CTNND2: variants seen among roughly 807,000 people sequenced by gnomAD.
CTNND2 encodes the protein catenin delta 2.
In CTNND2, 22 loss-of-function variants were observed where a neutral mutation model predicts 144.4. That is an observed-to-expected ratio of 0.15 (90% CI 0.11 to 0.22). CTNND2 has a LOEUF of 0.22. Ranked by LOEUF, CTNND2 falls within the 10% of genes least tolerant of loss-of-function variation. The probability of loss-of-function intolerance (pLI) is 1.00; values close to 1 mark genes in which losing one functional copy is unlikely to be tolerated. For synonymous variants in CTNND2, 751 were observed against 695.6 expected (o/e 1.08, Z -1.25); for missense variants, 1,353 against 1,618.8 (o/e 0.84, Z 2.82).
intron 1 of CTNND2, among the ~76,000 whole-genome samples, chr5:11,787,675 T>A (rs1481500750): frequency 6.6e-6 from 1 of 151,374 alleles, no homozygotes; most frequent in Non-Finnish European, 1.5e-5. Flanking sequence ...CACATTCCCA[T>A]AATTTAATAA....
At chr5:11,111,336 C>T (rs1158607330) in intron 13 of CTNND2, among the ~76,000 whole-genome samples, 1 of 152,172 alleles carries the variant, frequency 6.6e-6, no homozygotes, top group Non-Finnish European at 1.5e-5. Flanking sequence ...AATGTACAAC[C>T]ACGAGAGATC....
At chr5:11,060,500 G>A (rs1746843199) in intron 16 of CTNND2, among the ~76,000 whole-genome samples, 1 of 152,156 alleles carries the variant, frequency 6.6e-6, no homozygotes, top group African/African-American at 2.4e-5. Flanking sequence ...AAGTAAGACA[G>A]ATAATACCCA....
At chr5:11,225,598 T>C (rs1740246799) in intron 10 of CTNND2, among the ~76,000 whole-genome samples, 1 of 152,142 alleles carries the variant, frequency 6.6e-6, no homozygotes, top group Admixed American at 6.6e-5. Flanking sequence ...CAAACCACCC[T>C]GCCAAAAAGC....
At chr5:11,629,971 CT>C (rs986222232) in intron 2 of CTNND2, among the ~76,000 whole-genome samples, 99 of 152,138 alleles carry the variant, frequency 6.5e-4, no homozygotes, top group African/African-American at 1.3e-3. Context: ...AAAAAGTAAA[CT>C]TTTTTTCCCC....
chr5:11,293,887 C>G (rs572708121), intron 9 of CTNND2, among the ~76,000 whole-genome samples: 1 of 150,034 alleles, frequency 6.7e-6, no homozygotes, highest in East Asian at 2.0e-4. Context: ...GTGAGTTTTA[C>G]TAAATTATGC....
chr5:11,753,599 C>T (rs1788743033), intron 1 of CTNND2, among the ~76,000 whole-genome samples: 2 of 151,790 alleles, frequency 1.3e-5, no homozygotes, highest in Admixed American at 6.6e-5. Flanking sequence ...CTTTTTACAT[C>T]AATGTTCATC....
intron 9 of CTNND2, among the ~76,000 whole-genome samples, chr5:11,317,963 C>T (rs1288506576): frequency 6.6e-6 from 1 of 152,112 alleles, no homozygotes; most frequent in Admixed American, 6.5e-5. Flanking sequence ...TGTAGTGGAG[C>T]CCCTGCCATG....
chr5:11,213,329 C>A lies in CTNND2; in HGVS notation c.1762-13668G>T, dbSNP rs186426619. Among the ~76,000 whole-genome samples, 184 of 152,168 alleles carry A rather than the reference C, an allele frequency of 1.2e-3. 1 individual carries two copies. The highest frequency in any genetic ancestry group is 4.4e-3 in the African/African-American group (181 of 41,520). Reference sequence around the variant, plus strand: ...CCACTCAGAGCTCCCCGGAGCTCCCCGAGGAGTCTGCTGGATTTGACCACT... The same window carrying A: ...CCACTCAGAGCTCCCCGGAGCTCCCAGAGGAGTCTGCTGGATTTGACCACT... On this transcript the variant is annotated intron_variant, in intron 10 of 21. Transcript: ENST00000304623.
At chr5:11,039,662 C>G (rs1029359170) in intron 16 of CTNND2, among the ~76,000 whole-genome samples, 2 of 152,018 alleles carry the variant, frequency 1.3e-5, no homozygotes, top group Non-Finnish European at 2.9e-5. Context: ...AAGAAGAGAC[C>G]AGCTGGAGCC....
chr5:11,333,440 T>C (rs1753387447), intron 9 of CTNND2, among the ~76,000 whole-genome samples: 2 of 152,102 alleles, frequency 1.3e-5, no homozygotes, highest in Admixed American at 1.3e-4. Context: ...ATTTTTGTAT[T>C]ATTCTGTAGA....
intron 2 of CTNND2, among the ~76,000 whole-genome samples, chr5:11,687,074 A>G (rs904074975): frequency 1.3e-5 from 2 of 152,064 alleles, no homozygotes; most frequent in African/African-American, 2.4e-5. Context: ...CCCATTTTCA[A>G]TATAATTCAC....
chr5:11,788,717 T>C (rs1790975767), intron 1 of CTNND2, among the ~76,000 whole-genome samples: 1 of 152,244 alleles, frequency 6.6e-6, no homozygotes, highest in South Asian at 2.1e-4. Flanking sequence ...CTAGGGTACA[T>C]GTGCGCAATG....
chr5:11,701,987 C>T (rs1785458481), intron 2 of CTNND2, among the ~76,000 whole-genome samples: 1 of 152,156 alleles, frequency 6.6e-6, no homozygotes, highest in African/African-American at 2.4e-5. Context: ...GGAAGCAGGA[C>T]ACAAGCAAAG....
chr5:11,884,681 G>A (rs960718501), intron 1 of CTNND2, among the ~76,000 whole-genome samples: 1 of 151,888 alleles, frequency 6.6e-6, no homozygotes, highest in Non-Finnish European at 1.5e-5. Flanking sequence ...ACTCTGGGTA[G>A]AAGTATCAGT....
chr5:11,752,542 C>CTT (rs201310121), intron 1 of CTNND2, among the ~76,000 whole-genome samples: 2 of 139,162 alleles, frequency 1.4e-5, no homozygotes, highest in African/African-American at 2.6e-5. Context: ...TGTGTCTGTT[C>CTT]TTTTTTTTTT....
intron 15 of CTNND2, among the ~76,000 whole-genome samples, chr5:11,089,878 A>G (rs1457643815): frequency 6.6e-6 from 1 of 152,182 alleles, no homozygotes; most frequent in African/African-American, 2.4e-5. Context: ...GGCTTGGCCC[A>G]GGCTCCTGTA....
intron 9 of CTNND2, among the ~76,000 whole-genome samples, chr5:11,310,741 C>G (rs1315876997): frequency 6.6e-6 from 1 of 151,766 alleles, no homozygotes; most frequent in Non-Finnish European, 1.5e-5. Flanking sequence ...CCCTCACACA[C>G]TCCCCAAGCA....
intron 9 of CTNND2, among the ~76,000 whole-genome samples, chr5:11,286,735 G>A (rs1425684506): frequency 2.6e-5 from 4 of 152,234 alleles, no homozygotes; most frequent in African/African-American, 9.6e-5. Flanking sequence ...TAAACTGACA[G>A]TGGGAGTATA....
chr5:11,838,516 A>G (rs1274530077), intron 1 of CTNND2, among the ~76,000 whole-genome samples: 1 of 152,128 alleles, frequency 6.6e-6, no homozygotes, highest in Non-Finnish European at 1.5e-5. Flanking sequence ...AGGGATAGAC[A>G]TGGACGTTGC....
Sources: allele counts gnomAD v4.1 joint callset (sites outside exome capture counted in the v4.1 genomes callset), GRCh38; gene constraint gnomAD v4.1.1; transcripts MANE v1.5; gene names NCBI Gene and HGNC (gene_info 2026-07-23, HGNC 2026-07-21).